Variants in CAPZA2 observed in about 807,000 individuals in gnomAD.
The protein encoded by CAPZA2 is F-actin-capping protein subunit alpha-2.
CAPZA2 carries 13 observed loss-of-function variants against 44.0 expected under a neutral mutation model. The observed-to-expected ratio is 0.30, with a 90% CI of 0.19 to 0.47. The LOEUF (loss-of-function observed/expected upper bound fraction) is 0.47, where lower values mean the gene tolerates loss of function less well. CAPZA2 is among the 20% of genes least tolerant of loss of function. The probability of loss-of-function intolerance (pLI) is 1.00; values close to 1 mark genes in which losing one functional copy is unlikely to be tolerated. For synonymous variants in CAPZA2, 94 were observed against 108.2 expected, an observed-to-expected ratio of 0.87 and a Z score of 0.81; for missense variants, 244 against 338.6, an observed-to-expected ratio of 0.72 and a Z score of 2.19.
intron 1 of CAPZA2, among the ~76,000 whole-genome samples, chr7:116,881,786 C>T (rs557460686): frequency 5.1e-4 from 78 of 151,958 alleles, no homozygotes; most frequent in Non-Finnish European, 9.1e-4. Flanking sequence ...TGCACCTTCC[C>T]CTCCACCCCC....
intron 8 of CAPZA2, 112 bp downstream of exon 8, chr7:116,912,252 ATAGAT>A (rs1791606246): frequency 6.7e-7 from 1 of 1,484,490 alleles, no homozygotes; most frequent in Non-Finnish European, 9.0e-7. Context: ...GTGTTTTCTG[ATAGAT>A]TAAAGATAAG....
intron 1 of CAPZA2, among the ~76,000 whole-genome samples, chr7:116,871,228 C>T (rs985545064): frequency 8.6e-5 from 13 of 152,030 alleles, no homozygotes; most frequent in Non-Finnish European, 1.8e-4. Context: ...CCCTTGAGGT[C>T]GAAGTGTTAC....
chr7:116,913,769 ATTTT>A (rs10717939), intron 8 of CAPZA2, among the ~76,000 whole-genome samples: 172 of 87,708 alleles, frequency 2.0e-3, no homozygotes, highest in South Asian at 8.4e-3. Context: ...CACCCAGCTA[ATTTT>A]TTTTTTTTTT....
chr7:116,879,398 A>G (rs1450170020), intron 1 of CAPZA2, among the ~76,000 whole-genome samples: 1 of 152,140 alleles, frequency 6.6e-6, no homozygotes, highest in Non-Finnish European at 1.5e-5. Flanking sequence ...TTAACAATCT[A>G]TCTACAGCAG....
At position 116,893,059 on chromosome 7, in the gene CAPZA2, AT is replaced by A. The variant is rs1796870802; in HGVS notation, c.155+15del. On this transcript the variant is annotated intron_variant, in intron 3 of 9. Coordinates refer to ENST00000361183, the MANE Select transcript of CAPZA2 (RefSeq NM_006136.3). ...AGGAGCAGCCCAGTAAGTATTATTT[AT>A]CATACTAACCTAACTAAAATGACAT... The A allele has an allele frequency of 6.4e-7, 1 of 1,551,794 alleles. No individual in the cohort carries two copies. Among genetic ancestry groups the A allele is most frequent in the South Asian group, 1.2e-5 (1 of 86,762 alleles).
chr7:116,898,757 T>C lies in CAPZA2; in HGVS notation c.156-15T>C, dbSNP rs746954858. On this transcript the variant is annotated splice_polypyrimidine_tract_variant and intron_variant, in intron 3 of 9. Coordinates refer to ENST00000361183, the MANE Select transcript of CAPZA2 (RefSeq NM_006136.3). ...AATATATAATTTTAAGTAATTGCCA[T>C]TTTCTTTTTTTTAGTGCATTTGCAC... The C allele has an allele frequency of 6.5e-7, 1 of 1,536,602 alleles. No homozygotes were observed. The highest frequency in any genetic ancestry group is 1.2e-5 in the South Asian group (1 of 81,952).
intron 1 of CAPZA2, among the ~76,000 whole-genome samples, chr7:116,887,306 C>G (rs144557764): frequency 1.3e-5 from 2 of 149,580 alleles, no homozygotes; most frequent in East Asian, 4.0e-4. Flanking sequence ...ATGGGAGGAT[C>G]CTTTGAACTC....
In CAPZA2 at chr7:116,898,802, T is replaced by C. The variant is rs1386210740; in HGVS notation, c.186T>C (p.Phe62=). ...TTGCACAGTATAACTTGGACCAGTTTACTCCAGTAAAAATTGAAGGTTATG... is the reference window on the plus strand; with the variant it reads ...TTGCACAGTATAACTTGGACCAGTTCACTCCAGTAAAAATTGAAGGTTATG... The part of the protein sequence containing the change: ...HAFAQYNLDQ[F]TPVKIEGYED... The change falls in exon 4 of 10, where the codon TTT becomes TTC. Residue 62 remains phenylalanine, a synonymous_variant. Transcript: ENST00000361183. The C allele has an allele frequency of 6.2e-7, 1 of 1,600,114 alleles. No individual in the cohort carries two copies. Among genetic ancestry groups the C allele is most frequent in the African/African-American group, 1.3e-5 (1 of 74,618 alleles).
rs1322224344 is a variant in CAPZA2, at chr7:116,920,465, T to C, written c.*2598T>C. On this transcript the variant is annotated 3_prime_UTR_variant, in exon 10 of 10. Coordinates refer to ENST00000361183, the MANE Select transcript of CAPZA2 (RefSeq NM_006136.3). ...GCATGCTGGCTTGGACTGAGGTGGT[T>C]GCTGTAGAGGTGGTATAAAGCAGTG... 6.6e-6 allele frequency: 1 copy of C among 152,262 alleles called. No individual in the cohort carries two copies. Among genetic ancestry groups the C allele is most frequent in the African/African-American group, 2.4e-5 (1 of 41,410 alleles). 9.4% of individuals were successfully genotyped at this position (152,262 alleles called of 1,614,324 possible). A position where few individuals can be genotyped will look rare whatever the true frequency, so the allele number is the denominator to read the frequency against.
chr7:116,889,811 A>G (rs1351420695), intron 2 of CAPZA2, among the ~76,000 whole-genome samples: 3 of 152,242 alleles, frequency 2.0e-5, no homozygotes, highest in African/African-American at 7.2e-5. Context: ...AAAAAAATCC[A>G]GAAATTAAAA....
intron 4 of CAPZA2, among the ~76,000 whole-genome samples, chr7:116,900,590 T>G (rs1796982619): frequency 6.6e-6 from 1 of 151,832 alleles, no homozygotes; most frequent in Non-Finnish European, 1.5e-5. Flanking sequence ...AGATTAGGAA[T>G]AAGCTTCATC....
At chr7:116,915,695 A>G (rs1269674264) in intron 8 of CAPZA2, 1 of 148,876 alleles carries the variant, frequency 6.7e-6, no homozygotes, top group African/African-American at 2.5e-5. Context: ...TTCAGTAAAT[A>G]TTTAACAATA....
At chr7:116,905,501 C>T (rs943587234) in intron 5 of CAPZA2, among the ~76,000 whole-genome samples, 3 of 152,114 alleles carry the variant, frequency 2.0e-5, no homozygotes, top group East Asian at 1.9e-4. Context: ...TCACCAGTAG[C>T]GTACCCCATT....
intron 5 of CAPZA2, among the ~76,000 whole-genome samples, chr7:116,905,071 A>C (rs1193602346): frequency 6.7e-6 from 1 of 150,170 alleles, no homozygotes; most frequent in African/African-American, 2.4e-5. Flanking sequence ...CCCAGGAGGC[A>C]GAGGTTGCAG....
chr7:116,921,380 CAAAAA>C lies in CAPZA2; in HGVS notation c.*3523_*3527del. The C allele has an allele frequency of 7.4e-6, 1 of 135,442 alleles. No homozygotes were observed. Among genetic ancestry groups the C allele is most frequent in the Non-Finnish European group, 1.6e-5 (1 of 61,954 alleles). The allele number at this position is 135,442 out of a possible 1,614,324, so 8.4% of individuals were successfully genotyped here. A position where few individuals can be genotyped will look rare whatever the true frequency, so the allele number is the denominator to read the frequency against. On this transcript the variant is annotated 3_prime_UTR_variant, in exon 10 of 10. Transcript: ENST00000361183. ...CTGGCGACAGAGCGAGACTCTGTCC[CAAAAA>C]AAAAAAAAAGTGGTGGGCTGGCCAC...
intron 6 of CAPZA2, among the ~76,000 whole-genome samples, chr7:116,908,409 AG>A (rs1236720224): frequency 6.6e-6 from 1 of 152,194 alleles, no homozygotes; most frequent in African/African-American, 2.4e-5. Flanking sequence ...TAGCAGTATT[AG>A]GGGCTTAATA....
chr7:116,905,774 T>C (rs944083054), intron 5 of CAPZA2, among the ~76,000 whole-genome samples: 96 of 152,318 alleles, frequency 6.3e-4, no homozygotes, highest in African/African-American at 2.2e-3. Flanking sequence ...TGAAATAGCA[T>C]TGTGATACAT....
chr7:116,901,881 A>ATATGTGTGTG (rs375500363), intron 4 of CAPZA2, among the ~76,000 whole-genome samples: 8,227 of 140,804 alleles, frequency 0.058, 484 homozygotes, highest in African/African-American at 0.14. Context: ...TAACGAAGAA[A>ATATGTGTGTG]TGTGTGTGTG....
chr7:116,892,301 C>T (rs1796856106), intron 2 of CAPZA2, among the ~76,000 whole-genome samples: 1 of 151,934 alleles, frequency 6.6e-6, no homozygotes, highest in South Asian at 2.1e-4. Context: ...AGTAAAATAG[C>T]CAGGTGCTTA....
Sources: allele counts gnomAD v4.1 joint callset (sites outside exome capture counted in the v4.1 genomes callset), GRCh38; gene constraint gnomAD v4.1.1; transcripts MANE v1.5; gene names NCBI Gene and HGNC (gene_info 2026-07-23, HGNC 2026-07-21).